Variants in SIPA1L2 observed in about 807,000 individuals in gnomAD.
SIPA1L2 encodes the protein signal induced proliferation associated 1 like 2, also known as signal-induced proliferation-associated 1-like protein 2.
In SIPA1L2, 56 loss-of-function variants were observed where a neutral mutation model predicts 163.9. The observed-to-expected ratio is 0.34, with a 90% CI of 0.28 to 0.43. The LOEUF is 0.43. Ranked by LOEUF, SIPA1L2 falls within the 20% of genes least tolerant of loss-of-function variation. The pLI is 1.00. For missense variants in SIPA1L2, 1,974 were observed against 2,193.5 expected, an observed-to-expected ratio of 0.90 and a Z score of 2.00; for synonymous variants, 877 against 865.7, an observed-to-expected ratio of 1.01 and a Z score of -0.23.
rs1479703036 is a variant in SIPA1L2, at chr1:232,465,347, T to C, written c.2313A>G (p.Pro771=). 4 of 1,614,186 alleles carry C rather than the reference T, an allele frequency of 2.5e-6. No individual in the cohort carries two copies. Among genetic ancestry groups the C allele is most frequent in the Non-Finnish European group, 3.4e-6 (4 of 1,180,006 alleles). ...GGAAGTCCCGGAACACGGCTGACTT[T>C]GGAAAAGTTACACCTTTGGGAATCG... ...GPPIPKGVTF[P]KSAVFRDFLL... The change falls in exon 9 of 23, where the codon CCA becomes CCG. Residue 771 remains proline (P), a synonymous_variant. Transcript: ENST00000674635. This position sits in a 1 kb window ranked among gnomAD's most constrained non-coding sequence, Gnocchi z 4.1.
chr1:232,563,840 G>T (rs926018006), intron 2 of SIPA1L2, among the ~76,000 whole-genome samples: 1 of 151,532 alleles, frequency 6.6e-6, no homozygotes, highest in African/African-American at 2.4e-5. Context: ...TCAGCCTCCT[G>T]AGTCACTGGG....
intron 3 of SIPA1L2, among the ~76,000 whole-genome samples, chr1:232,498,694 T>TCA (rs1230277183): frequency 6.6e-6 from 1 of 152,178 alleles, no homozygotes; most frequent in African/African-American, 2.4e-5. Flanking sequence ...GTTTCAGTGG[T>TCA]CACATTGCCT....
intron 15 of SIPA1L2, among the ~76,000 whole-genome samples, chr1:232,434,981 T>C (rs1344031399): frequency 1.3e-5 from 2 of 152,166 alleles, no homozygotes; most frequent in African/African-American, 4.8e-5. Flanking sequence ...CACATGCTAG[T>C]TTCCCCATTG....
chr1:232,465,511 T>C lies in SIPA1L2; in HGVS notation c.2244-95A>G, dbSNP rs202073165. On this transcript the variant is annotated intron_variant, in intron 8 of 22. Transcript: ENST00000674635. This position sits in a 1 kb window ranked among gnomAD's most constrained non-coding sequence, Gnocchi z 4.1. ...ACATATATATACACACACACACACA[T>C]ATACATACACACACACACACACATA... 1.2e-4 allele frequency: 112 copies of C among 900,060 alleles called. No individual in the cohort carries two copies. The highest frequency in any genetic ancestry group is 1.9e-4 in the South Asian group (11 of 59,100). The allele number at this position is 900,060 out of a possible 1,614,324, so 55.8% of individuals were successfully genotyped here.
intron 3 of SIPA1L2, among the ~76,000 whole-genome samples, chr1:232,506,112 C>T (rs954911670): frequency 6.6e-6 from 1 of 152,124 alleles, no homozygotes; most frequent in Non-Finnish European, 1.5e-5. Flanking sequence ...AGACACCTTT[C>T]CCCAGCCCTC....
intron 2 of SIPA1L2, among the ~76,000 whole-genome samples, chr1:232,555,640 T>C (rs1658656496): frequency 6.6e-6 from 1 of 152,010 alleles, no homozygotes; most frequent in Non-Finnish European, 1.5e-5. Flanking sequence ...TATGTAAGAG[T>C]AAAGGTCCAG....
chr1:232,616,624 A>G (rs1662513722), intron 1 of SIPA1L2, among the ~76,000 whole-genome samples: 1 of 152,184 alleles, frequency 6.6e-6, no homozygotes, highest in South Asian at 2.1e-4. Context: ...ACCTGTCCGG[A>G]CTTTGGGCTG....
At chr1:232,610,621 C>A (rs921757695) in intron 1 of SIPA1L2, among the ~76,000 whole-genome samples, 12 of 152,178 alleles carry the variant, frequency 7.9e-5, no homozygotes, top group Non-Finnish European at 1.5e-4. Context: ...AAACAAGCAA[C>A]CCCCTCCACA....
intron 1 of SIPA1L2, among the ~76,000 whole-genome samples, chr1:232,598,729 A>G (rs1422199479): frequency 6.6e-6 from 1 of 152,098 alleles, no homozygotes; most frequent in African/African-American, 2.4e-5. Flanking sequence ...CATTTATCCA[A>G]TTCAACAGAG....
chr1:232,625,214 G>A (rs1025316696), intron 1 of SIPA1L2, among the ~76,000 whole-genome samples: 3 of 152,158 alleles, frequency 2.0e-5, no homozygotes, highest in Non-Finnish European at 4.4e-5. Flanking sequence ...AACTATAACC[G>A]AGAGTGTGAC....
intron 1 of SIPA1L2, among the ~76,000 whole-genome samples, chr1:232,610,188 CTCT>C (rs1268131140): frequency 6.6e-6 from 1 of 152,036 alleles, no homozygotes; most frequent in Non-Finnish European, 1.5e-5. Flanking sequence ...TACTGTATAT[CTCT>C]TCATGTTTTT....
chr1:232,444,245 T>C (rs1663074225), intron 11 of SIPA1L2, among the ~76,000 whole-genome samples: 1 of 152,178 alleles, frequency 6.6e-6, no homozygotes, highest in Non-Finnish European at 1.5e-5. Context: ...CTTTTGCTAC[T>C]AGAATACTTC....
intron 2 of SIPA1L2, among the ~76,000 whole-genome samples, chr1:232,521,536 C>G (rs1195071329): frequency 6.6e-6 from 1 of 152,132 alleles, no homozygotes; most frequent in Non-Finnish European, 1.5e-5. Flanking sequence ...TGGTAAACTC[C>G]ATCTGGGTGG....
At chr1:232,399,330 C>T in intron 22 of SIPA1L2, 57 bp from the exon 23 acceptor site, 1 of 1,550,668 alleles carries the variant, frequency 6.4e-7, no homozygotes, top group Non-Finnish European at 8.8e-7. Flanking sequence ...TTCATTCCTC[C>T]TAAGCTGGGC....
At chr1:232,478,329 G>C (rs1369926866) in intron 7 of SIPA1L2, among the ~76,000 whole-genome samples, 1 of 152,132 alleles carries the variant, frequency 6.6e-6, no homozygotes, top group Non-Finnish European at 1.5e-5. Flanking sequence ...GATGGAAAAT[G>C]GCAAGAAAAT....
intron 18 of SIPA1L2, among the ~76,000 whole-genome samples, chr1:232,420,242 G>C (rs1661490561): frequency 6.6e-6 from 1 of 152,058 alleles, no homozygotes; most frequent in African/African-American, 2.4e-5. Flanking sequence ...AGAATTGCTT[G>C]AACCCGGGAG....
chr1:232,437,185 T>A (rs913838591), intron 15 of SIPA1L2, among the ~76,000 whole-genome samples: 2 of 152,174 alleles, frequency 1.3e-5, no homozygotes, highest in Non-Finnish European at 2.9e-5. Flanking sequence ...GAAATTTTAC[T>A]TAATAATAAT....
At chr1:232,572,728 TACATACATAC>T (rs1659827574) in intron 2 of SIPA1L2, among the ~76,000 whole-genome samples, 1 of 27,982 alleles carries the variant, frequency 3.6e-5, no homozygotes, top group Admixed American at 4.6e-4. Context: ...CACACATATA[TACATACATAC>T]ATATATATAT....
At chr1:232,584,284 G>C (rs1344010826) in intron 1 of SIPA1L2, among the ~76,000 whole-genome samples, 1 of 152,098 alleles carries the variant, frequency 6.6e-6, no homozygotes, top group Non-Finnish European at 1.5e-5. Context: ...GAGTATAGTG[G>C]TGCGATCTCT....
Sources: allele counts gnomAD v4.1 joint callset (sites outside exome capture counted in the v4.1 genomes callset), GRCh38; gene constraint gnomAD v4.1.1; non-coding constraint Gnocchi (gnomAD v3.1); transcripts MANE v1.5; gene names NCBI Gene and HGNC (gene_info 2026-07-23, HGNC 2026-07-21).